TMEM135: variants seen among roughly 807,000 people sequenced by gnomAD.
TMEM135 encodes peroxisomal membrane protein 52.
In TMEM135, 30 loss-of-function variants were observed where a neutral mutation model predicts 60.3. That is an observed-to-expected ratio of 0.50 (90% CI 0.37 to 0.68). The LOEUF (loss-of-function observed/expected upper bound fraction) is 0.68. Among genes scored for constraint, TMEM135 ranks in the 30% least tolerant of loss-of-function variants. TMEM135 has a pLI of 0.00. For synonymous variants in TMEM135, 190 were observed against 186.7 expected (o/e 1.02, Z -0.14); for missense variants, 468 against 548.8 (o/e 0.85, Z 1.47).
intron 5 of TMEM135, among the ~76,000 whole-genome samples, chr11:87,173,790 A>T (rs531171711): frequency 6.6e-6 from 1 of 152,300 alleles, no homozygotes; most frequent in African/African-American, 2.4e-5. Context: ...ATCCACAGCT[A>T]TACTAATAGC....
intron 6 of TMEM135, among the ~76,000 whole-genome samples, chr11:87,294,943 A>G (rs1039941303): frequency 1.3e-5 from 2 of 152,176 alleles, no homozygotes; most frequent in Admixed American, 6.5e-5. Context: ...CCAGCTGAAG[A>G]GAGTAGACTG....
chr11:87,102,692 G>GTA (rs947250714), intron 4 of TMEM135, among the ~76,000 whole-genome samples: 4 of 90,368 alleles, frequency 4.4e-5, no homozygotes, highest in East Asian at 3.9e-4. Context: ...ATATGTGTGT[G>GTA]TATATATATA....
intron 4 of TMEM135, among the ~76,000 whole-genome samples, chr11:87,133,360 A>T (rs1937992326): frequency 6.6e-6 from 1 of 152,150 alleles, no homozygotes; most frequent in African/African-American, 2.4e-5. Context: ...CTAAAACATC[A>T]TCCCCAAAAT....
chr11:87,282,852 A>G (rs1942086473), intron 6 of TMEM135, among the ~76,000 whole-genome samples: 2 of 152,132 alleles, frequency 1.3e-5, no homozygotes, highest in Admixed American at 1.3e-4. Context: ...CTTTTGTTCC[A>G]ATATTTTATT....
intron 4 of TMEM135, among the ~76,000 whole-genome samples, chr11:87,118,872 T>G (rs1283827154): frequency 6.6e-6 from 1 of 152,206 alleles, no homozygotes; most frequent in East Asian, 1.9e-4. Flanking sequence ...CTCACCTTTC[T>G]CAGCCTTCAT....
intron 4 of TMEM135, among the ~76,000 whole-genome samples, chr11:87,148,487 G>T (rs1938472131): frequency 6.6e-6 from 1 of 152,182 alleles, no homozygotes; most frequent in African/African-American, 2.4e-5. Context: ...TACCGAAAAA[G>T]AATTTGATCC....
intron 12 of TMEM135, among the ~76,000 whole-genome samples, chr11:87,317,102 A>G (rs997694403): frequency 6.6e-6 from 1 of 152,024 alleles, no homozygotes. Flanking sequence ...AGTATATATT[A>G]TGTTCTCATT....
In TMEM135 at chr11:87,327,209, G is replaced by C; in HGVS notation, c.*5876G>C. On this transcript the variant is annotated 3_prime_UTR_variant, in exon 15 of 15. Coordinates refer to ENST00000305494, the MANE Select transcript of TMEM135 (RefSeq NM_022918.4). ...GTAATGGAAAATCTGGGAAACACTT[G>C]GGAAAAATCTTCCCTCTCTGCTTAA... 2.2e-6 allele frequency: 1 copy of C among 453,922 alleles called. No individual in the cohort carries two copies. The highest frequency in any genetic ancestry group is 4.4e-6 in the Non-Finnish European group (1 of 226,748). 28.1% of individuals were successfully genotyped at this position (453,922 alleles called of 1,614,324 possible).
At chr11:87,109,854 C>A (rs1857698934) in intron 4 of TMEM135, among the ~76,000 whole-genome samples, 1 of 150,770 alleles carries the variant, frequency 6.6e-6, no homozygotes, top group Non-Finnish European at 1.5e-5. Context: ...TGTTATTGTA[C>A]TGTATGTCAG....
chr11:87,310,888 T>C (rs187319895), intron 10 of TMEM135, among the ~76,000 whole-genome samples: 195 of 152,132 alleles, frequency 1.3e-3, no homozygotes, highest in African/African-American at 4.5e-3. Context: ...TCTCATTTTG[T>C]AGGAACATGC....
chr11:87,042,930 CTCA>C (rs1949762479), intron 1 of TMEM135, among the ~76,000 whole-genome samples: 2 of 150,610 alleles, frequency 1.3e-5, no homozygotes, highest in Non-Finnish European at 2.9e-5. Context: ...TCAGCTCTCA[CTCA>C]TCATTTATTT....
chr11:87,157,276 G>A (rs111698100), intron 4 of TMEM135, 65 bp from the exon 5 acceptor site: 5 of 1,391,192 alleles, frequency 3.6e-6, no homozygotes, highest in African/African-American at 2.9e-5. Context: ...TTAGGGTGTG[G>A]GATATACAAT....
chr11:87,251,446 A>G (rs945719566), intron 6 of TMEM135, among the ~76,000 whole-genome samples: 7 of 152,298 alleles, frequency 4.6e-5, no homozygotes, highest in African/African-American at 1.4e-4. Context: ...GACGAATTAC[A>G]TAACTTTGCT....
In TMEM135 at chr11:87,049,952, T is replaced by C. The variant is rs1424482259; in HGVS notation, c.141+11766T>C. ...CTCAGCAAATGTAAAAGAACAGAAA[T>C]TATAACAAACTATCTCTCAGACCAC... is the stretch of plus-strand genomic sequence containing the variant. On this transcript the variant is annotated intron_variant, in intron 1 of 14. Coordinates refer to ENST00000305494, the MANE Select transcript of TMEM135 (RefSeq NM_022918.4). Among the ~76,000 whole-genome samples the C allele has an allele frequency of 5.1e-5, 4 of 77,750 alleles. 1 individual carries two copies. Among genetic ancestry groups the C allele is most frequent in the East Asian group, 9.1e-4 (2 of 2,196 alleles). 51.0% of individuals were successfully genotyped at this position (77,750 alleles called of 152,430 possible).
intron 1 of TMEM135, among the ~76,000 whole-genome samples, chr11:87,065,795 T>C (rs540596157): frequency 6.6e-6 from 1 of 152,234 alleles, no homozygotes; most frequent in Non-Finnish European, 1.5e-5. Flanking sequence ...TTTTGTAGTT[T>C]TATGTTTCAC....
chr11:87,240,978 T>C (rs2135378831), intron 6 of TMEM135, among the ~76,000 whole-genome samples: 1 of 152,270 alleles, frequency 6.6e-6, no homozygotes, highest in Non-Finnish European at 1.5e-5. Context: ...TTGTGCAGCA[T>C]GGCAGTTTCA....
chr11:87,323,357 A>G lies in TMEM135; in HGVS notation c.*2024A>G. 1 of 454,030 alleles carries G rather than the reference A, an allele frequency of 2.2e-6. No homozygotes were observed. Among genetic ancestry groups the G allele is most frequent in the Non-Finnish European group, 4.4e-6 (1 of 226,740 alleles). The allele number at this position is 454,030 out of a possible 1,614,324, so 28.1% of individuals were successfully genotyped here. A position where few individuals can be genotyped will look rare whatever the true frequency, so the allele number is the denominator to read the frequency against. ...TTTGCAGTGGTGGATTGAGAAGTCC[A>G]GTTTGATTTCATTGGGACAGACTGC... On this transcript the variant is annotated 3_prime_UTR_variant, in exon 15 of 15. Transcript: ENST00000305494.
At chr11:87,248,268 A>C (rs11602443) in intron 6 of TMEM135, among the ~76,000 whole-genome samples, 49,673 of 152,014 alleles carry the variant, frequency 0.33, 9,701 homozygotes, top group Non-Finnish European at 0.44. Flanking sequence ...TTCTTTGAGA[A>C]ACCTCTAAAC....
intron 4 of TMEM135, among the ~76,000 whole-genome samples, chr11:87,146,818 T>A (rs934562510): frequency 1.3e-5 from 2 of 151,994 alleles, no homozygotes; most frequent in Non-Finnish European, 2.9e-5. Context: ...ACAAAATCAA[T>A]GTGTAGAGAG....
Sources: gnomAD v4.1 joint callset for allele counts (sites outside exome capture counted in the v4.1 genomes callset) on GRCh38, gnomAD v4.1.1 for gene constraint, MANE v1.5 for transcripts, NCBI Gene and HGNC (gene_info 2026-07-23, HGNC 2026-07-21) for gene names.